The following CDH11 variants were observed in gnomAD, a reference collection of about 807,000 sequenced individuals.
The protein encoded by CDH11 is cadherin 11.
A neutral mutation model predicts 67.8 loss-of-function variants in CDH11; 11 were observed. The observed-to-expected ratio is 0.16, with a 90% CI of 0.10 to 0.27. The LOEUF (loss-of-function observed/expected upper bound fraction) is 0.27, where lower values mean the gene tolerates loss of function less well. Among genes scored for constraint, CDH11 ranks in the 10% least tolerant of loss-of-function variants. CDH11 has a pLI of 1.00. For synonymous variants in CDH11, 419 were observed against 400.0 expected, an observed-to-expected ratio of 1.05 and a Z score of -0.57; for missense variants, 847 against 1,031.2, an observed-to-expected ratio of 0.82 and a Z score of 2.45.
chr16:65,045,344 T>TATATAC (rs1191302787), intron 2 of CDH11, among the ~76,000 whole-genome samples: 2 of 71,300 alleles, frequency 2.8e-5, no homozygotes, highest in African/African-American at 4.9e-5. Flanking sequence ...TATATATATA[T>TATATAC]ATATATATAT....
intron 11 of CDH11, among the ~76,000 whole-genome samples, chr16:64,965,912 C>T (rs1403198081): frequency 6.6e-6 from 1 of 151,438 alleles, no homozygotes; most frequent in African/African-American, 2.4e-5. Flanking sequence ...ACTTGTACTA[C>T]CTGTGAAGTG....
intron 11 of CDH11, among the ~76,000 whole-genome samples, chr16:64,956,805 T>C (rs1459853703): frequency 6.6e-6 from 1 of 152,080 alleles, no homozygotes; most frequent in Non-Finnish European, 1.5e-5. Context: ...TTCCTAATAA[T>C]GATGATCTCC....
Position 65,015,177 on chromosome 16 carries a change from C to T in CDH11, c.-172-10136G>A, listed in dbSNP as rs1379475477. ...GTGAGCCACTGCGCCTGGCCTAAAA[C>T]ATTTTAAGCTTTCAGAAACAGTGGA... On this transcript the variant is annotated intron_variant, in intron 2 of 12. Transcript: ENST00000268603. 2.0e-5 allele frequency among the ~76,000 whole-genome samples: 3 copies of T among 151,916 alleles called. No homozygotes were observed. In the East Asian group the frequency reaches 5.8e-4, roughly 29 times the overall value.
At chr16:65,021,829 T>C (rs1263239694) in intron 2 of CDH11, among the ~76,000 whole-genome samples, 2 of 131,398 alleles carry the variant, frequency 1.5e-5, no homozygotes, top group African/African-American at 5.7e-5. Context: ...TCCAAATAGA[T>C]GGCAAGCAGT....
intron 11 of CDH11, among the ~76,000 whole-genome samples, chr16:64,963,234 A>G (rs1009231345): frequency 2.6e-5 from 4 of 152,218 alleles, no homozygotes; most frequent in Admixed American, 2.6e-4. Context: ...CAGATGGGCA[A>G]TGTAAGCAGA....
At chr16:64,984,672 G>A (rs766878653) in intron 7 of CDH11, 2 of 152,124 alleles carry the variant, frequency 1.3e-5, no homozygotes, top group African/African-American at 4.8e-5. Flanking sequence ...CTAATCTGTG[G>A]AAATGTACAC....
At chr16:65,119,186 T>G (rs891754278) in intron 1 of CDH11, 3 of 152,048 alleles carry the variant, frequency 2.0e-5, no homozygotes, top group Admixed American at 2.0e-4. Context: ...AGAAAAACCA[T>G]GAATTATGAA....
At chr16:64,962,944 G>A (rs1196290456) in intron 11 of CDH11, among the ~76,000 whole-genome samples, 1 of 152,150 alleles carries the variant, frequency 6.6e-6, no homozygotes, top group African/African-American at 2.4e-5. Context: ...CCAGTCATAG[G>A]ACTATGGAAT....
chr16:65,075,985 G>A (rs1226189472), intron 1 of CDH11, among the ~76,000 whole-genome samples: 1 of 152,150 alleles, frequency 6.6e-6, no homozygotes, highest in Non-Finnish European at 1.5e-5. Context: ...GAAAAAGGAT[G>A]TGAGCATGTG....
At chr16:65,005,115 C>G (rs1288054637) in intron 2 of CDH11, 74 bp from the exon 3 acceptor site, 2 of 1,271,794 alleles carry the variant, frequency 1.6e-6, no homozygotes, top group African/African-American at 3.1e-5. Context: ...AGTAAGCCTT[C>G]AGGACTGGGC....
At chr16:65,028,231 C>T (rs1400443307) in intron 2 of CDH11, among the ~76,000 whole-genome samples, 1 of 152,176 alleles carries the variant, frequency 6.6e-6, no homozygotes, top group African/African-American at 2.4e-5. Flanking sequence ...AGTTTGATTG[C>T]TCGGGGCTTT....
intron 2 of CDH11, among the ~76,000 whole-genome samples, chr16:65,046,625 A>C (rs2142693589): frequency 6.6e-6 from 1 of 152,364 alleles, no homozygotes; most frequent in South Asian, 2.1e-4. Flanking sequence ...TAAATTCATA[A>C]AATTGTTGCA....
chr16:64,976,777 G>A (rs2072181935), intron 8 of CDH11, among the ~76,000 whole-genome samples: 2 of 152,132 alleles, frequency 1.3e-5, no homozygotes, highest in Non-Finnish European at 1.5e-5. Flanking sequence ...GAACCCAGGA[G>A]GCGGAGGTTG....
intron 2 of CDH11, among the ~76,000 whole-genome samples, chr16:65,048,767 A>G (rs2074005775): frequency 6.6e-6 from 1 of 152,146 alleles, no homozygotes; most frequent in African/African-American, 2.4e-5. Context: ...CTCTATACAC[A>G]CATATGTATG....
At chr16:65,103,229 T>C (rs2075021159) in intron 1 of CDH11, among the ~76,000 whole-genome samples, 1 of 152,238 alleles carries the variant, frequency 6.6e-6, no homozygotes, top group Non-Finnish European at 1.5e-5. Context: ...TAGCTTTGGA[T>C]CTTGCAACCT....
intron 1 of CDH11, among the ~76,000 whole-genome samples, chr16:65,085,200 C>T (rs2074675418): frequency 6.6e-6 from 1 of 152,200 alleles, no homozygotes; most frequent in Admixed American, 6.5e-5. Context: ...CATGAGCCAC[C>T]ACACCTGGCC....
At chr16:64,948,483 C>G in intron 12 of CDH11, 2 of 844,840 alleles carry the variant, frequency 2.4e-6, no homozygotes, top group Non-Finnish European at 3.9e-6. Flanking sequence ...AGCTGTTTTT[C>G]CAAGGTTTAA....
intron 2 of CDH11, among the ~76,000 whole-genome samples, chr16:65,022,423 T>A (rs1360776330): frequency 6.6e-6 from 1 of 152,154 alleles, no homozygotes; most frequent in Non-Finnish European, 1.5e-5. Flanking sequence ...TAATCTGAAT[T>A]TGCTCCAATT....
At chr16:65,024,188 T>C (rs2073486735) in intron 2 of CDH11, among the ~76,000 whole-genome samples, 1 of 152,206 alleles carries the variant, frequency 6.6e-6, no homozygotes, top group South Asian at 2.1e-4. Flanking sequence ...TGGTTATGTC[T>C]TCTGCTTCCT....
Sources: allele counts gnomAD v4.1 joint callset (sites outside exome capture counted in the v4.1 genomes callset), GRCh38; gene constraint gnomAD v4.1.1; transcripts MANE v1.5; gene names NCBI Gene and HGNC (gene_info 2026-07-23, HGNC 2026-07-21).